ATP8B4: variants seen among roughly 807,000 people sequenced by gnomAD.
ATP8B4 encodes probable phospholipid-transporting ATPase IM.
Under a neutral mutation model 145.6 loss-of-function variants are expected in ATP8B4, and 133 were observed. That is an observed-to-expected ratio of 0.91 (90% confidence interval 0.79 to 1.05). ATP8B4 has a LOEUF of 1.05. Ranked by LOEUF, ATP8B4 falls within the 50% of genes least tolerant of loss-of-function variation. The pLI is 0.00. For missense variants in ATP8B4, 1,458 were observed against 1,425.2 expected (o/e 1.02, Z -0.37); for synonymous variants, 507 against 492.9 (o/e 1.03, Z -0.38).
At chr15:49,917,963 T>C (rs1397539327) in intron 19 of ATP8B4, among the ~76,000 whole-genome samples, 1 of 152,230 alleles carries the variant, frequency 6.6e-6, no homozygotes, top group Non-Finnish European at 1.5e-5. Flanking sequence ...AACTTTCTAC[T>C]GTTTATTTTT....
chr15:50,133,719 T>C (rs1409106981), intron 1 of ATP8B4, among the ~76,000 whole-genome samples: 2 of 152,158 alleles, frequency 1.3e-5, no homozygotes, highest in Non-Finnish European at 2.9e-5. Context: ...TTTATGAACT[T>C]TCAGTCATAA....
chr15:50,123,529 T>C (rs565610582), upstream of ATP8B4, among the ~76,000 whole-genome samples: 5 of 152,258 alleles, frequency 3.3e-5, no homozygotes, highest in South Asian at 1.0e-3. Context: ...CAGTTCAACC[T>C]CCTGTGATTT....
chr15:50,168,327 G>C (rs1027960885), intron 1 of ATP8B4, among the ~76,000 whole-genome samples: 1 of 152,100 alleles, frequency 6.6e-6, no homozygotes, highest in Non-Finnish European at 1.5e-5. Context: ...TGCTCCTGCA[G>C]GACCACAGAG....
At chr15:49,984,397 C>T (rs1020657808) in intron 10 of ATP8B4, among the ~76,000 whole-genome samples, 1 of 152,134 alleles carries the variant, frequency 6.6e-6, no homozygotes, top group Non-Finnish European at 1.5e-5. Flanking sequence ...TAAAAGAACT[C>T]TTTACAAAAA....
In ATP8B4 at chr15:49,873,544, C is replaced by A. The variant is rs531915009; in HGVS notation, c.3027+2734G>T. Among the ~76,000 whole-genome samples, 4 of 151,742 alleles carry A rather than the reference C, an allele frequency of 2.6e-5. No homozygotes were observed. In the South Asian group the frequency reaches 6.2e-4, roughly 24 times the overall value. ...GACATAAAATTATATATATATAATC[C>A]GATTTCCATTTTTTTCATGCTAACC... On this transcript the variant is annotated intron_variant, in intron 25 of 27. Coordinates refer to ENST00000284509, the MANE Select transcript of ATP8B4 (RefSeq NM_024837.4).
chr15:49,888,663 G>A (rs1207149784), intron 23 of ATP8B4, among the ~76,000 whole-genome samples: 1 of 152,132 alleles, frequency 6.6e-6, no homozygotes. Flanking sequence ...TATAAATTGT[G>A]AATCCAAACC....
chr15:49,995,294 C>A (rs113101200), intron 9 of ATP8B4, among the ~76,000 whole-genome samples: 1 of 152,012 alleles, frequency 6.6e-6, no homozygotes, highest in Non-Finnish European at 1.5e-5. Flanking sequence ...TTTAGATGGC[C>A]TTTTTGGGCC....
intron 1 of ATP8B4, among the ~76,000 whole-genome samples, chr15:50,161,388 G>C (rs1252753786): frequency 1.3e-5 from 2 of 151,924 alleles, no homozygotes; most frequent in Non-Finnish European, 2.9e-5. Context: ...TAATAGGTAA[G>C]GATTTACTTC....
chr15:50,101,639 T>C (rs1256582709), intron 2 of ATP8B4, among the ~76,000 whole-genome samples: 2 of 152,088 alleles, frequency 1.3e-5, no homozygotes, highest in African/African-American at 4.8e-5. Context: ...AACACAATAA[T>C]AGTGGGAGAC....
intron 3 of ATP8B4, among the ~76,000 whole-genome samples, chr15:50,052,024 C>T (rs771638797): frequency 6.6e-6 from 1 of 152,206 alleles, no homozygotes; most frequent in Non-Finnish European, 1.5e-5. Flanking sequence ...AAGGGCTCCC[C>T]CTCCTGGAAA....
rs144236893 is a variant in ATP8B4, at chr15:50,047,433, A to C, written c.119T>G (p.Ile40Ser). 1.9e-6 allele frequency: 3 copies of C among 1,592,858 alleles called. No homozygotes were observed. Among genetic ancestry groups the C allele is most frequent in the South Asian group, 2.2e-5 (2 of 90,602 alleles). Residue 40 changes from isoleucine (I) to serine (S), a missense_variant, in exon 4 of 28, where the codon ATT (isoleucine) becomes AGT (serine). Physicochemically the swap from Ile to Ser is moderately radical, Grantham distance 142 (BLOSUM62 -2). Coordinates refer to ENST00000284509, the MANE Select transcript of ATP8B4 (RefSeq NM_024837.4). ...DNRIHTSKYN[I>S]LTFLPINLFE... The stretch of plus-strand genomic sequence containing the variant: ...TAAATTAATTGGCAAGAAGGTGAGA[A>C]TATTATATTTCGATGTGTGGATACG...
At chr15:50,055,963 G>T (rs2153616599) in intron 3 of ATP8B4, among the ~76,000 whole-genome samples, 1 of 152,262 alleles carries the variant, frequency 6.6e-6, no homozygotes, top group East Asian at 1.9e-4. Context: ...CTGTTGCCTG[G>T]TGCAGAGTCC....
At chr15:50,129,227 C>T (rs75799385) in intron 1 of ATP8B4, among the ~76,000 whole-genome samples, 32 of 151,882 alleles carry the variant, frequency 2.1e-4, no homozygotes, top group East Asian at 1.4e-3. Flanking sequence ...ATATCAAGAA[C>T]GCTGTATTAG....
chr15:49,876,245 A>G (rs1250622885), intron 25 of ATP8B4, 33 bp downstream of exon 25: 1 of 1,602,342 alleles, frequency 6.2e-7, no homozygotes, highest in Admixed American at 1.7e-5. Context: ...TTGTAAACCC[A>G]TCAAGTTAAG....
At chr15:50,061,291 G>C (rs530705985) in intron 3 of ATP8B4, among the ~76,000 whole-genome samples, 1 of 152,026 alleles carries the variant, frequency 6.6e-6, no homozygotes, top group Non-Finnish European at 1.5e-5. Flanking sequence ...GGAAAATAAA[G>C]GAATCATGGA....
rs1381431819 is a variant in ATP8B4 at position 49,860,313 on chromosome 15, G to A, written c.3460C>T (p.Pro1154Ser). Residue 1154 changes from proline (P) to serine (S), a missense_variant, in exon 28 of 28, where the codon CCC (proline) becomes TCC (serine). Physicochemically the swap from Pro to Ser is moderately conservative, Grantham distance 74. Transcript: ENST00000284509. ...GTCTTTTCCAGCCCTGATGTTGGGG[G>A]TGGATTTTTAGCTCGCATATTTTTT... Reference protein sequence around the residue: ...SGKNMRAKNPPPTSGLEKTHY... With the variant: ...SGKNMRAKNPSPTSGLEKTHY... 4.3e-6 allele frequency: 7 copies of A among 1,614,014 alleles called. No individual in the cohort carries two copies. Among genetic ancestry groups the A allele is most frequent in the Non-Finnish European group, 5.9e-6 (7 of 1,180,014 alleles).
intron 2 of ATP8B4, 34 bp downstream of exon 2, chr15:50,106,905 T>C: frequency 6.4e-7 from 1 of 1,567,580 alleles, no homozygotes; most frequent in Non-Finnish European, 8.6e-7. Context: ...TTTTAAAATA[T>C]CACTTTGCAT....
At chr15:49,908,090 T>C (rs780340063) in intron 20 of ATP8B4, 4 of 455,938 alleles carry the variant, frequency 8.8e-6, no homozygotes, top group Non-Finnish European at 1.8e-5. Flanking sequence ...GGGAAAACAG[T>C]AATGCCTACG....
At chr15:49,990,454 A>T (rs1342985062) in intron 9 of ATP8B4, among the ~76,000 whole-genome samples, 1 of 152,182 alleles carries the variant, frequency 6.6e-6, no homozygotes, top group Non-Finnish European at 1.5e-5. Flanking sequence ...AATACAATCA[A>T]ACTAGCTGGT....
Sources: allele counts gnomAD v4.1 joint callset (sites outside exome capture counted in the v4.1 genomes callset), GRCh38; gene constraint gnomAD v4.1.1; transcripts MANE v1.5; gene names NCBI Gene and HGNC (gene_info 2026-07-23, HGNC 2026-07-21).